The following RUFY2 variants were observed in gnomAD, a reference collection of about 807,000 sequenced individuals.
The protein encoded by RUFY2 is RUN and FYVE domain containing 2.
A neutral mutation model predicts 94.4 loss-of-function variants in RUFY2; 49 were observed. The ratio of observed to expected loss-of-function variants is 0.52; its 90% confidence interval spans 0.41 to 0.66. The LOEUF is 0.66. Among genes scored for constraint, RUFY2 ranks in the 30% least tolerant of loss-of-function variants. The pLI, the probability that RUFY2 is intolerant of heterozygous loss-of-function variation, is 0.00. For missense variants in RUFY2, 541 were observed against 692.8 expected, an observed-to-expected ratio of 0.78 and a Z score of 2.46; for synonymous variants, 255 against 235.7, an observed-to-expected ratio of 1.08 and a Z score of -0.75.
At position 68,404,802 on chromosome 10, in the gene RUFY2, T is replaced by C. The variant is rs539629585; in HGVS notation, c.47A>G (p.Asn16Ser). ...TCCTTTGATACTCAGTTTAGCCATGTTTAACAAGTTTGCTCTCTCTACAGC... is the reference window on the plus strand; with the variant it reads ...TCCTTTGATACTCAGTTTAGCCATGCTTAACAAGTTTGCTCTCTCTACAGC... ...PTAVERANLLNMAKLSIKGLI... is the reference protein window; with the variant it reads ...PTAVERANLLSMAKLSIKGLI... The change falls in exon 2 of 18, where the codon AAC becomes AGC. Residue 16 changes from asparagine (N) to serine (S), a missense_variant. Physicochemically the swap from Asn to Ser is conservative, Grantham distance 46. Transcript: ENST00000602465. 2.5e-6 allele frequency: 4 copies of C among 1,612,414 alleles called. No homozygotes were observed. Among genetic ancestry groups the C allele is most frequent in the Admixed American group, 3.4e-5 (2 of 59,622 alleles).
At chr10:68,401,111 T>C (rs1173777187) in intron 3 of RUFY2, among the ~76,000 whole-genome samples, 1 of 152,250 alleles carries the variant, frequency 6.6e-6, no homozygotes, top group Non-Finnish European at 1.5e-5. Flanking sequence ...ACTCCAACTT[T>C]TAAGACATTT....
At chr10:68,370,505 A>G (rs571827344) in intron 13 of RUFY2, among the ~76,000 whole-genome samples, 1 of 148,358 alleles carries the variant, frequency 6.7e-6, no homozygotes, top group African/African-American at 2.5e-5. Flanking sequence ...AAATTAGCCA[A>G]GCATAGTGGT....
Position 68,404,805 on chromosome 10 carries a change from A to C in RUFY2, c.44T>G (p.Leu15Ter). The C allele has an allele frequency of 6.2e-7, 1 of 1,612,572 alleles. No individual in the cohort carries two copies. The change falls in exon 2 of 18, where the codon TTA becomes TGA. Residue 15 changes from leucine to a stop codon, truncating the protein, a stop_gained. Coordinates refer to ENST00000602465, the MANE Select transcript of RUFY2 (RefSeq NM_001330103.2). LOFTEE classifies it high-confidence loss of function. ...TTTGATACTCAGTTTAGCCATGTTTAACAAGTTTGCTCTCTCTACAGCTGT... is the reference window on the plus strand; with the variant it reads ...TTTGATACTCAGTTTAGCCATGTTTCACAAGTTTGCTCTCTCTACAGCTGT... ...DPTAVERANL[L>*]NMAKLSIKGL...
intron 6 of RUFY2, 132 bp downstream of exon 6, chr10:68,393,943 A>C: frequency 7.1e-7 from 1 of 1,405,096 alleles, no homozygotes; most frequent in Non-Finnish European, 9.3e-7. Context: ...AATGGAAGTG[A>C]AAATGAAATG....
At chr10:68,341,428 A>ATAAT (rs989083649), downstream of RUFY2, 44 of 1,138,772 alleles carry the variant, frequency 3.9e-5, no homozygotes, top group Non-Finnish European at 5.1e-5. Flanking sequence ...TTTGACCTCT[A>ATAAT]TAATGGCTTT....
chr10:68,344,341 T>C lies in RUFY2; in HGVS notation c.*1427A>G, dbSNP rs1268083282. Reference sequence around the variant, plus strand: ...TAGGATTAACCACTAAATATAATGCTCTTAATCCATAAATTTTCTATGTAT... The same window carrying C: ...TAGGATTAACCACTAAATATAATGCCCTTAATCCATAAATTTTCTATGTAT... On this transcript the variant is annotated 3_prime_UTR_variant, in exon 18 of 18. Transcript: ENST00000602465. The C allele has an allele frequency of 6.6e-6, 1 of 152,222 alleles. No individual in the cohort carries two copies. Among genetic ancestry groups the C allele is most frequent in the Non-Finnish European group, 1.5e-5 (1 of 68,044 alleles). The allele number at this position is 152,222 out of a possible 1,614,324, so 9.4% of individuals were successfully genotyped here.
chr10:68,368,774 TCTCATATATAG>T (rs2132561374), intron 13 of RUFY2, among the ~76,000 whole-genome samples: 1 of 152,130 alleles, frequency 6.6e-6, no homozygotes, highest in East Asian at 1.9e-4. Flanking sequence ...TTTCTTTTTA[TCTCATATATAG>T]CTCATATTGG....
intron 13 of RUFY2, among the ~76,000 whole-genome samples, chr10:68,365,178 TGAAGA>T (rs1228117449): frequency 1.3e-5 from 2 of 152,156 alleles, no homozygotes; most frequent in East Asian, 1.9e-4. Context: ...TAATTCAGGT[TGAAGA>T]GAAGAGTACC....
chr10:68,366,629 C>G (rs1382055777), intron 13 of RUFY2, among the ~76,000 whole-genome samples: 1 of 148,792 alleles, frequency 6.7e-6, no homozygotes, highest in African/African-American at 2.5e-5. Flanking sequence ...TTAATCCCAG[C>G]TATTCAGGAG....
At chr10:68,371,906 G>T (rs551943230) in intron 13 of RUFY2, among the ~76,000 whole-genome samples, 34 of 152,230 alleles carry the variant, frequency 2.2e-4, no homozygotes, top group African/African-American at 7.7e-4. Flanking sequence ...AGTGCTAAAA[G>T]AACTGCCAAC....
At chr10:68,359,401 CATAT>C (rs964537586) in intron 15 of RUFY2, among the ~76,000 whole-genome samples, 16 of 146,320 alleles carry the variant, frequency 1.1e-4, no homozygotes, top group Admixed American at 9.6e-4. Flanking sequence ...CGTATATATA[CATAT>C]ATAAATATGT....
chr10:68,376,491 T>TATATATATATATATATATTTA (rs1589884310), intron 13 of RUFY2, among the ~76,000 whole-genome samples: 1 of 103,410 alleles, frequency 9.7e-6, no homozygotes, highest in Non-Finnish European at 2.0e-5. Flanking sequence ...TATATATATA[T>TATATATATATATATATATTTA]TCTCAGAAAA....
At chr10:68,360,350 T>C (rs10823182) in intron 15 of RUFY2, among the ~76,000 whole-genome samples, 41,014 of 151,836 alleles carry the variant, frequency 0.27, 7,652 homozygotes, top group African/African-American at 0.53. Flanking sequence ...AATGTCAATA[T>C]TTTTGGAAGC....
Position 68,379,458 on chromosome 10 carries a change from T to C in RUFY2, c.1171A>G (p.Lys391Glu). Residue 391 changes from lysine (K) to glutamate (E), a missense_variant, in exon 12 of 18, where the codon AAA (lysine) becomes GAA (glutamate). Physicochemically the swap from Lys to Glu is moderately conservative, Grantham distance 56 (BLOSUM62 1). Transcript: ENST00000602465. Reference sequence around the variant, plus strand: ...AGCTGCCTCATGGCTGCAGTAATTTTATTGGTTTTTTCTTCTAGTCGGGCA... The same window carrying C: ...AGCTGCCTCATGGCTGCAGTAATTTCATTGGTTTTTTCTTCTAGTCGGGCA... ...IIARLEEKTN[K>E]ITAAMRQLEQ... 6.2e-7 allele frequency: 1 copy of C among 1,613,210 alleles called. No homozygotes were observed. The highest frequency in any genetic ancestry group is 1.7e-5 in the Admixed American group (1 of 59,846).
chr10:68,345,460 A>AG lies in RUFY2; in HGVS notation c.*307dup, dbSNP rs1391015657. ...AAATACCAAATTGACAGAATTCAGA[A>AG]GAAAAAAACAATCTGAAGCCTTATT... On this transcript the variant is annotated 3_prime_UTR_variant, in exon 18 of 18. Coordinates refer to ENST00000602465, the MANE Select transcript of RUFY2 (RefSeq NM_001330103.2). The AG allele has an allele frequency of 5.0e-6, 2 of 403,828 alleles. No individual in the cohort carries two copies. Among genetic ancestry groups the AG allele is most frequent in the Non-Finnish European group, 8.7e-6 (2 of 229,896 alleles). The allele number at this position is 403,828 out of a possible 1,614,324, so 25.0% of individuals were successfully genotyped here. A position where few individuals can be genotyped will look rare whatever the true frequency, so the allele number is the denominator to read the frequency against.
intron 10 of RUFY2, among the ~76,000 whole-genome samples, chr10:68,382,194 G>T (rs2049114072): frequency 6.6e-6 from 1 of 151,384 alleles, no homozygotes; most frequent in African/African-American, 2.4e-5. Context: ...GACCACAGGG[G>T]TCTGCCACTA....
chr10:68,404,740 C>A lies in RUFY2; in HGVS notation c.109G>T (p.Asp37Tyr), dbSNP rs1207744135. Reference sequence around the variant, plus strand: ...TGCTGCAAGGGGGGATAGTCAGAATCCAAAGTGCGGCCAAAGCTCAGAGCA... The same window carrying A: ...TGCTGCAAGGGGGGATAGTCAGAATACAAAGTGCGGCCAAAGCTCAGAGCA... The part of the protein sequence containing the change: ...ESALSFGRTL[D>Y]SDYPPLQQFF... Residue 37 changes from aspartate to tyrosine, a missense_variant, in exon 2 of 18, where the codon GAT becomes TAT. Asp to Tyr is a radical substitution (Grantham distance 160). This residue lies in a region of RUFY2 where 53 missense variants were observed against 58.6 expected (regional missense o/e 0.90). Transcript: ENST00000602465. 1 of 1,613,350 alleles carries A rather than the reference C, an allele frequency of 6.2e-7. No individual in the cohort carries two copies. The highest frequency in any genetic ancestry group is 1.7e-5 in the Admixed American group (1 of 59,880).
intron 7 of RUFY2, among the ~76,000 whole-genome samples, chr10:68,388,424 T>C (rs1056445888): frequency 4.6e-5 from 7 of 152,040 alleles, no homozygotes; most frequent in African/African-American, 1.7e-4. Context: ...GATCGCGCCA[T>C]TGCATTCCAG....
intron 8 of RUFY2, among the ~76,000 whole-genome samples, chr10:68,385,434 T>C (rs2049421769): frequency 6.6e-6 from 1 of 151,946 alleles, no homozygotes; most frequent in Non-Finnish European, 1.5e-5. Flanking sequence ...AGAGCTGAGA[T>C]AAATTTGCAA....
Sources: allele counts gnomAD v4.1 joint callset (sites outside exome capture counted in the v4.1 genomes callset), GRCh38; gene constraint gnomAD v4.1.1; regional missense constraint gnomAD v4.1.1; transcripts MANE v1.5; gene names NCBI Gene and HGNC (gene_info 2026-07-23, HGNC 2026-07-21).